ACER3: variants seen among roughly 807,000 people sequenced by gnomAD.
ACER3 encodes alkCDase 3.
Under a neutral mutation model 48.9 loss-of-function variants are expected in ACER3, and 16 were observed. That is an observed-to-expected ratio of 0.33 (90% CI 0.22 to 0.50). ACER3 has a LOEUF of 0.50. Ranked by LOEUF, ACER3 falls within the 20% of genes least tolerant of loss-of-function variation. The pLI is 0.98. For missense variants in ACER3, 227 were observed against 326.0 expected, an observed-to-expected ratio of 0.70 and a Z score of 2.34; for synonymous variants, 109 against 107.8, an observed-to-expected ratio of 1.01 and a Z score of -0.07.
chr11:77,018,512 T>C (rs1555023784), intron 9 of ACER3, among the ~76,000 whole-genome samples: 2 of 152,236 alleles, frequency 1.3e-5, no homozygotes, highest in African/African-American at 2.4e-5. Context: ...CTAGAAATGA[T>C]TAAGCTTAGT....
rs559334751 is a variant in ACER3 at position 76,945,397 on chromosome 11, G to C, written c.215-13582G>C. On this transcript the variant is annotated intron_variant, in intron 2 of 10. Transcript: ENST00000532485. ...TTTTTCCTGAAGATAGATATATGTT[G>C]TTGGTTGAATAGGATGCTTTGGCTT... 2.0e-5 allele frequency among the ~76,000 whole-genome samples: 3 copies of C among 152,246 alleles called. No individual in the cohort carries two copies. In the East Asian group the frequency reaches 5.8e-4, roughly 29 times the overall value.
intron 3 of ACER3, among the ~76,000 whole-genome samples, chr11:76,967,735 T>G (rs999652698): frequency 7.9e-5 from 12 of 152,174 alleles, no homozygotes; most frequent in African/African-American, 2.7e-4. Context: ...TTGACAAAAT[T>G]CAACAGCCCT....
intron 9 of ACER3, 42 bp from the exon 10 acceptor site, chr11:77,019,689 A>G: frequency 6.2e-7 from 1 of 1,602,146 alleles, no homozygotes; most frequent in African/African-American, 1.3e-5. Flanking sequence ...CATGAATTCA[A>G]AATGAATCTG....
At chr11:76,945,749 C>G (rs78887235) in intron 2 of ACER3, among the ~76,000 whole-genome samples, 2 of 152,202 alleles carry the variant, frequency 1.3e-5, no homozygotes, top group African/African-American at 2.4e-5. Context: ...GGCAGGTTCT[C>G]AAACTCCTGG....
At chr11:76,954,095 G>A (rs943522740) in intron 2 of ACER3, among the ~76,000 whole-genome samples, 1 of 151,820 alleles carries the variant, frequency 6.6e-6, no homozygotes, top group African/African-American at 2.4e-5. Context: ...TTACAGGCTT[G>A]CACCACCACG....
chr11:76,870,933 T>C (rs903439873), intron 1 of ACER3, among the ~76,000 whole-genome samples: 10 of 152,234 alleles, frequency 6.6e-5, no homozygotes, highest in Non-Finnish European at 1.2e-4. Flanking sequence ...CTAACATTTA[T>C]GGGGTTTAAT....
chr11:76,979,398 T>C (rs1021640823), intron 4 of ACER3, among the ~76,000 whole-genome samples: 22 of 152,214 alleles, frequency 1.4e-4, no homozygotes, highest in African/African-American at 5.3e-4. Context: ...ATCTAGCTGC[T>C]ATGACCCATA....
At chr11:76,932,343 C>T (rs192432229) in intron 2 of ACER3, among the ~76,000 whole-genome samples, 1 of 152,192 alleles carries the variant, frequency 6.6e-6, no homozygotes, top group Admixed American at 6.5e-5. Flanking sequence ...CTAATTATCC[C>T]AAAACTGTAA....
rs372928072 is a variant in ACER3 at position 77,023,581 on chromosome 11, C to T, written c.*3254C>T. ...ATTGTTTTGGCCCTGTGGTTTATGA[C>T]GTGCTGCTGGATAAGCATTTATGTA... On this transcript the variant is annotated 3_prime_UTR_variant, in exon 11 of 11. Transcript: ENST00000532485. 1.4e-4 allele frequency: 25 copies of T among 181,948 alleles called. No individual in the cohort carries two copies. The highest frequency in any genetic ancestry group is 2.3e-4 in the Non-Finnish European group (20 of 88,276). 11.3% of individuals were successfully genotyped at this position (181,948 alleles called of 1,614,324 possible). A position where few individuals can be genotyped will look rare whatever the true frequency, so the allele number is the denominator to read the frequency against.
rs553017815 is a variant in ACER3, at chr11:76,950,959, G to T, written c.215-8020G>T. On this transcript the variant is annotated intron_variant, in intron 2 of 10. Transcript: ENST00000532485. ...TTTTCTTCCCATCTAATGAAAATATGTTTGATTCTAAATATGTGCCTTATA... is the reference window on the plus strand; with the variant it reads ...TTTTCTTCCCATCTAATGAAAATATTTTTGATTCTAAATATGTGCCTTATA... Among the ~76,000 whole-genome samples, 16 of 152,226 alleles carry T rather than the reference G, an allele frequency of 1.1e-4. No homozygotes were observed. In the East Asian group the frequency reaches 3.1e-3, roughly 29 times the overall value.
At chr11:77,007,675 G>A (rs1949182412) in intron 7 of ACER3, among the ~76,000 whole-genome samples, 1 of 152,170 alleles carries the variant, frequency 6.6e-6, no homozygotes, top group Non-Finnish European at 1.5e-5. Flanking sequence ...ATTGCCACGG[G>A]AAGATAGATA....
chr11:76,874,612 A>T (rs868027393), intron 1 of ACER3, among the ~76,000 whole-genome samples: 3 of 152,234 alleles, frequency 2.0e-5, no homozygotes, highest in Admixed American at 6.5e-5. Flanking sequence ...TCTCAATAAC[A>T]TGAATGGCCT....
At chr11:76,870,632 G>A (rs1945219752) in intron 1 of ACER3, among the ~76,000 whole-genome samples, 1 of 151,942 alleles carries the variant, frequency 6.6e-6, no homozygotes, top group Admixed American at 6.6e-5. Flanking sequence ...TCTTTCATGG[G>A]TGCCATGAAT....
intron 6 of ACER3, among the ~76,000 whole-genome samples, chr11:76,991,631 C>T (rs1948803284): frequency 6.6e-6 from 1 of 151,816 alleles, no homozygotes; most frequent in Non-Finnish European, 1.5e-5. Flanking sequence ...GCCTGGCCAA[C>T]ATGGTGAAAC....
chr11:76,864,596 A>ATTTTTTTTTTTTTTTT (rs772026324), intron 1 of ACER3, among the ~76,000 whole-genome samples: 6 of 99,926 alleles, frequency 6.0e-5, no homozygotes, highest in Non-Finnish European at 1.2e-4. Context: ...TGGAATGGGT[A>ATTTTTTTTTTTTTTTT]TTTTTTTTTT....
At chr11:77,001,329 C>T (rs1376671195) in intron 7 of ACER3, among the ~76,000 whole-genome samples, 1 of 152,020 alleles carries the variant, frequency 6.6e-6, no homozygotes, top group Non-Finnish European at 1.5e-5. Context: ...GATCTCGGCT[C>T]GCTGCAGCCT....
At chr11:76,936,731 T>TG (rs1947197093) in intron 2 of ACER3, among the ~76,000 whole-genome samples, 1 of 151,372 alleles carries the variant, frequency 6.6e-6, no homozygotes, top group Admixed American at 6.6e-5. Flanking sequence ...CTTTTTTTTT[T>TG]TTTTAAGACA....
At chr11:76,888,084 T>C (rs953538935) in intron 1 of ACER3, among the ~76,000 whole-genome samples, 3 of 152,128 alleles carry the variant, frequency 2.0e-5, no homozygotes, top group Non-Finnish European at 4.4e-5. Flanking sequence ...CCTCCCAAAG[T>C]GCTGGAATTA....
At chr11:76,884,623 C>T (rs1350391163) in intron 1 of ACER3, among the ~76,000 whole-genome samples, 1 of 152,028 alleles carries the variant, frequency 6.6e-6, no homozygotes, top group Non-Finnish European at 1.5e-5. Flanking sequence ...AATCTTCTAC[C>T]ATGTTGGTGG....
Sources: allele counts gnomAD v4.1 joint callset (sites outside exome capture counted in the v4.1 genomes callset), GRCh38; gene constraint gnomAD v4.1.1; transcripts MANE v1.5; gene names NCBI Gene and HGNC (gene_info 2026-07-23, HGNC 2026-07-21).